Variants in FER1L6 observed in about 807,000 individuals in gnomAD.
FER1L6 encodes the protein fer-1-like protein 6.
A neutral mutation model predicts 219.2 loss-of-function variants in FER1L6; 177 were observed. The ratio of observed to expected loss-of-function variants is 0.81; its 90% CI spans 0.71 to 0.91. The LOEUF is 0.91. Among genes scored for constraint, FER1L6 ranks in the 40% least tolerant of loss-of-function variants. The pLI is 0.00. For missense variants in FER1L6, 2,153 were observed against 2,259.9 expected (o/e 0.95, Z 0.96); for synonymous variants, 768 against 824.3 (o/e 0.93, Z 1.17).
At chr8:124,019,805 C>T (rs1015185690) in intron 16 of FER1L6, among the ~76,000 whole-genome samples, 1 of 152,152 alleles carries the variant, frequency 6.6e-6, no homozygotes, top group African/African-American at 2.4e-5. Context: ...AAAATTATTA[C>T]AGATTGTGAT....
At chr8:123,905,008 C>T (rs189007921) in intron 1 of FER1L6, among the ~76,000 whole-genome samples, 5 of 152,296 alleles carry the variant, frequency 3.3e-5, no homozygotes, top group Admixed American at 3.3e-4. Flanking sequence ...TACCAGCACA[C>T]CCCTGAAGAC....
At chr8:124,081,393 A>C (rs796349704) in intron 32 of FER1L6, among the ~76,000 whole-genome samples, 5 of 152,204 alleles carry the variant, frequency 3.3e-5, no homozygotes, top group African/African-American at 1.2e-4. Context: ...TCATGGAAGG[A>C]GCACCGAGCT....
At chr8:124,029,809 T>G (rs1440851779) in intron 18 of FER1L6, among the ~76,000 whole-genome samples, 1 of 152,266 alleles carries the variant, frequency 6.6e-6, no homozygotes, top group African/African-American at 2.4e-5. Flanking sequence ...TTGCAGTTGC[T>G]TTTTGCATTT....
chr8:123,921,735 G>C (rs932281007), intron 1 of FER1L6, among the ~76,000 whole-genome samples: 6 of 152,000 alleles, frequency 3.9e-5, no homozygotes, highest in African/African-American at 1.5e-4. Context: ...CAAGCTGTGG[G>C]GTATCTGGGG....
At chr8:123,866,171 A>G (rs1816835556) in intron 1 of FER1L6, among the ~76,000 whole-genome samples, 1 of 152,028 alleles carries the variant, frequency 6.6e-6, no homozygotes, top group Non-Finnish European at 1.5e-5. Flanking sequence ...TTCCACATAT[A>G]GGTGAGATTA....
intron 1 of FER1L6, among the ~76,000 whole-genome samples, chr8:123,885,232 T>C (rs1817180028): frequency 6.6e-6 from 1 of 152,220 alleles, no homozygotes; most frequent in African/African-American, 2.4e-5. Context: ...GTTTAGGCCA[T>C]GCTGTTTGTG....
At chr8:124,099,520 G>A (rs1350134656) in intron 37 of FER1L6, among the ~76,000 whole-genome samples, 2 of 151,924 alleles carry the variant, frequency 1.3e-5, no homozygotes, top group African/African-American at 2.4e-5. Flanking sequence ...CTCCATCTTC[G>A]CCACATCCCA....
chr8:124,063,481 G>C (rs2130838488), intron 25 of FER1L6, among the ~76,000 whole-genome samples: 1 of 152,242 alleles, frequency 6.6e-6, no homozygotes, highest in Middle Eastern at 3.4e-3. Context: ...TGGAGATTCA[G>C]CTGCAGTTTT....
At chr8:123,859,277 A>G (rs1816702761) in intron 1 of FER1L6, among the ~76,000 whole-genome samples, 2 of 152,220 alleles carry the variant, frequency 1.3e-5, no homozygotes, top group Non-Finnish European at 2.9e-5. Flanking sequence ...CTGGGATTAC[A>G]GGCATGAGCC....
chr8:124,097,394 G>C, intron 36 of FER1L6, 35 bp downstream of exon 36: 3 of 1,410,530 alleles, frequency 2.1e-6, no homozygotes, highest in Non-Finnish European at 3.0e-6. Flanking sequence ...CAGGGGAAGA[G>C]ACCAGGGTAG....
chr8:124,116,387 G>C (rs956600345), intron 39 of FER1L6, among the ~76,000 whole-genome samples: 3 of 147,204 alleles, frequency 2.0e-5, no homozygotes, highest in East Asian at 2.0e-4. Flanking sequence ...TATAAAGTGC[G>C]ATAGCCAAAA....
intron 1 of FER1L6, among the ~76,000 whole-genome samples, chr8:123,865,595 C>T (rs975764107): frequency 1.3e-5 from 2 of 151,334 alleles, no homozygotes; most frequent in Admixed American, 6.6e-5. Context: ...TGCCACCTTG[C>T]AGTTTGATCT....
chr8:124,034,114 G>C (rs1819094934), intron 18 of FER1L6, among the ~76,000 whole-genome samples: 1 of 150,568 alleles, frequency 6.6e-6, no homozygotes, highest in South Asian at 2.1e-4. Flanking sequence ...TTTCATAATA[G>C]GATTTTGTGA....
intron 33 of FER1L6, among the ~76,000 whole-genome samples, chr8:124,088,966 G>C (rs970897958): frequency 6.6e-6 from 1 of 152,086 alleles, no homozygotes; most frequent in Non-Finnish European, 1.5e-5. Flanking sequence ...GATTAGGGGA[G>C]AGGTGGTGCG....
rs201677266 is a variant in FER1L6 at position 124,023,498 on chromosome 8, G to A, written c.2188G>A (p.Val730Met). 6 of 1,614,176 alleles carry A rather than the reference G, an allele frequency of 3.7e-6. No individual in the cohort carries two copies. Among genetic ancestry groups the A allele is most frequent in the Middle Eastern group, 3.3e-4 (2 of 6,062 alleles). Residue 730 changes from valine to methionine, a missense_variant, in exon 18 of 41, where the codon GTG becomes ATG. By Grantham distance (21) the Val-to-Met change is conservative. Transcript: ENST00000522917. ...FIWMLSNNRR[V>M]AYARIASKDL... ...CTGGATGCTCAGCAACAACAGGAGA[G>A]TGGCCTATGCCCGCATCGCCTCCAA...
At chr8:124,108,945 C>G (rs972825960) in intron 39 of FER1L6, among the ~76,000 whole-genome samples, 2 of 152,116 alleles carry the variant, frequency 1.3e-5, no homozygotes, top group African/African-American at 4.8e-5. Context: ...GCAACATACT[C>G]TTAACTACTT....
chr8:124,108,152 G>C (rs1197949678), intron 39 of FER1L6, among the ~76,000 whole-genome samples: 2 of 152,146 alleles, frequency 1.3e-5, no homozygotes, highest in South Asian at 4.1e-4. Context: ...TGGAGCCCAG[G>C]AGCTCAAGTC....
At chr8:124,035,549 A>G in intron 19 of FER1L6, 95 bp downstream of exon 19, 1 of 1,266,976 alleles carries the variant, frequency 7.9e-7, no homozygotes, top group Non-Finnish European at 1.1e-6. Context: ...TTTTTTGCAC[A>G]TTATTTTAGG....
intron 40 of FER1L6, 100 bp downstream of exon 40, chr8:124,119,044 A>C (rs1185716459): frequency 2.1e-6 from 2 of 954,278 alleles, no homozygotes; most frequent in East Asian, 5.2e-5. Flanking sequence ...GCCCTGTGGG[A>C]GAACTGGGAA....
Sources: gnomAD v4.1 joint callset for allele counts (sites outside exome capture counted in the v4.1 genomes callset) on GRCh38, gnomAD v4.1.1 for gene constraint, MANE v1.5 for transcripts, NCBI Gene and HGNC (gene_info 2026-07-23, HGNC 2026-07-21) for gene names.